The following NEBL variants were observed in gnomAD, a reference collection of about 807,000 sequenced individuals.
The protein encoded by NEBL is nebulette, also known as LIM and SH3 protein 2.
Under a neutral mutation model 140.2 loss-of-function variants are expected in NEBL, and 122 were observed. The ratio of observed to expected loss-of-function variants is 0.87; its 90% CI spans 0.75 to 1.01. The LOEUF (loss-of-function observed/expected upper bound fraction) is 1.01, where lower values mean the gene tolerates loss of function less well. Among genes scored for constraint, NEBL ranks in the 50% least tolerant of loss-of-function variants. NEBL has a pLI of 0.00. For synonymous variants in NEBL, 436 were observed against 398.9 expected (o/e 1.09, Z -1.11); for missense variants, 1,365 against 1,231.3 (o/e 1.11, Z -1.62).
chr10:21,285,755 T>C (rs770391947), intron 1 of NEBL, among the ~76,000 whole-genome samples: 3 of 152,190 alleles, frequency 2.0e-5, no homozygotes, highest in Non-Finnish European at 4.4e-5. Flanking sequence ...ACAATGAGAT[T>C]TCAGATCATG....
chr10:21,062,532 A>G (rs1025399174), intron 2 of NEBL, among the ~76,000 whole-genome samples: 33 of 151,990 alleles, frequency 2.2e-4, no homozygotes, highest in African/African-American at 8.0e-4. Flanking sequence ...AAAAATAAAA[A>G]TAAAATTAGC....
intron 11 of NEBL, 81 bp downstream of exon 11, chr10:20,850,314 C>A: frequency 8.8e-7 from 1 of 1,134,650 alleles, no homozygotes; most frequent in Non-Finnish European, 1.3e-6. Flanking sequence ...TCCTTCCAGA[C>A]CCACTGAACA....
chr10:20,890,028 G>A, intron 2 of NEBL, 79 bp from the exon 3 acceptor site: 2 of 935,952 alleles, frequency 2.1e-6, no homozygotes, highest in East Asian at 2.5e-5. Context: ...TAATTAGGTT[G>A]ATAAAGTCCA....
intron 3 of NEBL, among the ~76,000 whole-genome samples, chr10:21,016,430 C>G (rs1255155854): frequency 1.3e-5 from 2 of 152,080 alleles, no homozygotes; most frequent in Non-Finnish European, 2.9e-5. Context: ...TTATAACCCT[C>G]TCAGGAAGAG....
rs768915725 is a variant in NEBL at position 20,812,780 on chromosome 10, C to T, written c.2507G>A (p.Gly836Glu). 2.0e-5 allele frequency: 33 copies of T among 1,613,830 alleles called. No homozygotes were observed. The highest frequency in any genetic ancestry group is 8.5e-6 in the Non-Finnish European group (10 of 1,179,922). ...PHIVEMDRRP[G>E]IIVDLKVWRT... The stretch of plus-strand genomic sequence containing the variant: ...CGCCGTCAGCTTACCAACAATGATT[C>T]CAGGTCTCCTGTCCATCTCCACGAT... The change falls in exon 24 of 28, where the codon GGA becomes GAA. Residue 836 changes from glycine (G) to glutamate (E), a missense_variant. By Grantham distance (98) the Gly-to-Glu change is moderately conservative. This residue lies in a region of NEBL where 1,323 missense variants were observed against 1,154.8 expected (regional missense o/e 1.15). Coordinates refer to ENST00000377122, the MANE Select transcript of NEBL (RefSeq NM_006393.3).
At chr10:20,885,591 T>G (rs1846445248) in intron 4 of NEBL, among the ~76,000 whole-genome samples, 1 of 152,216 alleles carries the variant, frequency 6.6e-6, no homozygotes, top group South Asian at 2.1e-4. Context: ...TTGCAGGGAT[T>G]TGTGTATTAC....
intron 3 of NEBL, among the ~76,000 whole-genome samples, chr10:21,222,054 G>A (rs1842075830): frequency 6.6e-6 from 1 of 151,736 alleles, no homozygotes; most frequent in African/African-American, 2.4e-5. Context: ...AGTGAACTCT[G>A]CCATGTTCAT....
intron 3 of NEBL, among the ~76,000 whole-genome samples, chr10:21,181,797 C>G: frequency 6.6e-6 from 1 of 152,228 alleles, no homozygotes; most frequent in East Asian, 1.9e-4. Context: ...CTCTTGGCAT[C>G]TTTTCATCTT....
chr10:21,017,464 T>C (rs564193650), intron 3 of NEBL, among the ~76,000 whole-genome samples: 5 of 152,252 alleles, frequency 3.3e-5, no homozygotes, highest in East Asian at 3.9e-4. Context: ...ATCCCACAGA[T>C]CTTTGGACAT....
intron 11 of NEBL, among the ~76,000 whole-genome samples, chr10:20,846,665 A>G (rs1392480520): frequency 6.6e-6 from 1 of 152,192 alleles, no homozygotes; most frequent in Non-Finnish European, 1.5e-5. Flanking sequence ...GGCTGAATCT[A>G]GGGCATCTCT....
chr10:21,206,065 T>G (rs973321894), intron 3 of NEBL, among the ~76,000 whole-genome samples: 3 of 152,182 alleles, frequency 2.0e-5, no homozygotes, highest in Non-Finnish European at 4.4e-5. Context: ...AACCTAAGAT[T>G]GTCTTCAGCA....
intron 2 of NEBL, among the ~76,000 whole-genome samples, chr10:21,082,323 C>T (rs1288103882): frequency 1.3e-5 from 2 of 151,946 alleles, no homozygotes; most frequent in African/African-American, 4.8e-5. Flanking sequence ...AGGATTAGAT[C>T]ACAGTGATAA....
intron 2 of NEBL, chr10:21,030,700 G>C: frequency 2.1e-6 from 1 of 474,706 alleles, no homozygotes; most frequent in Non-Finnish European, 4.1e-6. Context: ...CTCTAGCCAT[G>C]GTCCAGGAGA....
chr10:21,285,542 A>C (rs907017731), intron 1 of NEBL, among the ~76,000 whole-genome samples: 16 of 152,238 alleles, frequency 1.1e-4, no homozygotes, highest in Non-Finnish European at 1.5e-5. Context: ...CCTAAGATAT[A>C]TAAAACTAAA....
At chr10:21,074,426 T>C (rs1026855694) in intron 2 of NEBL, among the ~76,000 whole-genome samples, 2 of 152,180 alleles carry the variant, frequency 1.3e-5, no homozygotes, top group Non-Finnish European at 2.9e-5. Flanking sequence ...GAGATGATTA[T>C]ATTGTACATC....
chr10:20,918,083 GTGCAGTGACTCA>G (rs1833393321), intron 4 of NEBL, among the ~76,000 whole-genome samples: 1 of 152,092 alleles, frequency 6.6e-6, no homozygotes, highest in African/African-American at 2.4e-5. Flanking sequence ...TCCAGGCCAG[GTGCAGTGACTCA>G]TGCCTGTAAT....
chr10:21,218,250 C>T (rs1267616809), intron 3 of NEBL: 2 of 152,258 alleles, frequency 1.3e-5, no homozygotes, highest in Non-Finnish European at 2.9e-5. Flanking sequence ...GGAAAAGACA[C>T]AACACTCCCC....
In NEBL at chr10:20,828,591, G is replaced by T; in HGVS notation, c.1715C>A (p.Ser572Tyr). 1 of 1,594,214 alleles carries T rather than the reference G, an allele frequency of 6.3e-7. No individual in the cohort carries two copies. The highest frequency in any genetic ancestry group is 8.6e-7 in the Non-Finnish European group (1 of 1,162,400). ...AATTTCAGGAGTATCTGCTATGGTA[G>T]AATAGTTAGAAAGCATCTTCTCTGC... Reference protein sequence around the residue: ...DEAEKMLSNYSTIADTPEIQR... With the variant: ...DEAEKMLSNYYTIADTPEIQR... Residue 572 changes from serine (S) to tyrosine (Y), a missense_variant, in exon 17 of 28, where the codon TCT becomes TAT. By Grantham distance (144) the Ser-to-Tyr change is moderately radical. This residue lies in a region of NEBL where 1,323 missense variants were observed against 1,154.8 expected (regional missense o/e 1.15). Coordinates refer to ENST00000377122, the MANE Select transcript of NEBL (RefSeq NM_006393.3).
At chr10:20,944,597 G>A (rs954591279) in intron 4 of NEBL, among the ~76,000 whole-genome samples, 1 of 152,080 alleles carries the variant, frequency 6.6e-6, no homozygotes, top group African/African-American at 2.4e-5. Flanking sequence ...ATTTATATGG[G>A]TTTGCACTCT....
Sources: gnomAD v4.1 joint callset for allele counts (sites outside exome capture counted in the v4.1 genomes callset) on GRCh38, gnomAD v4.1.1 for gene constraint, gnomAD v4.1.1 regional missense constraint, MANE v1.5 for transcripts, NCBI Gene and HGNC (gene_info 2026-07-23, HGNC 2026-07-21) for gene names.